Variants in SHANK2 observed in about 807,000 individuals in gnomAD.
SHANK2 encodes the protein SH3 and multiple ankyrin repeat domains 2, also known as SH3 and multiple ankyrin repeat domains protein 2.
In SHANK2, 43 loss-of-function variants were observed where a neutral mutation model predicts 133.7. The observed-to-expected ratio is 0.32, with a 90% CI of 0.25 to 0.41. The LOEUF (loss-of-function observed/expected upper bound fraction) is 0.41. Among genes scored for constraint, SHANK2 ranks in the 10% least tolerant of loss-of-function variants. The pLI is 1.00. For missense variants in SHANK2, 1,994 were observed against 2,235.8 expected (o/e 0.89, Z 2.18); for synonymous variants, 1,017 against 952.8 (o/e 1.07, Z -1.24).
chr11:70,840,026 C>T (rs782287335), intron 11 of SHANK2, among the ~76,000 whole-genome samples: 23 of 152,338 alleles, frequency 1.5e-4, no homozygotes, highest in Non-Finnish European at 1.3e-4. Context: ...GGCCGGCCAG[C>T]AGCTATGCAG....
chr11:70,527,393 G>A (rs1440686138), intron 17 of SHANK2, among the ~76,000 whole-genome samples: 4 of 152,172 alleles, frequency 2.6e-5, no homozygotes, highest in South Asian at 2.1e-4. Context: ...ATTCTAGAAC[G>A]ACCCCCATGG....
chr11:70,702,573 C>T (rs989571785), intron 14 of SHANK2, among the ~76,000 whole-genome samples: 22 of 152,218 alleles, frequency 1.4e-4, no homozygotes, highest in African/African-American at 4.6e-4. Flanking sequence ...CCACTATGAC[C>T]GCCACAATCA....
At chr11:70,598,281 A>C (rs528841998) in intron 17 of SHANK2, among the ~76,000 whole-genome samples, 2 of 151,926 alleles carry the variant, frequency 1.3e-5, no homozygotes, top group African/African-American at 4.8e-5. Flanking sequence ...GGTGGAGAAG[A>C]ATAGAGGAAG....
intron 10 of SHANK2, among the ~76,000 whole-genome samples, chr11:70,949,075 C>G (rs1364187614): frequency 6.6e-6 from 1 of 152,152 alleles, no homozygotes; most frequent in African/African-American, 2.4e-5. Flanking sequence ...AGGTACCAGC[C>G]AGTGCCCAGC....
chr11:70,479,100 C>T lies in SHANK2; in HGVS notation c.4980-5661G>A, dbSNP rs1555150845. Reference sequence around the variant, plus strand: ...CCCATTCATCCTTGCCCAACGCCCGCAAGTACCAGCCCCGATGGACGCACA... The same window carrying T: ...CCCATTCATCCTTGCCCAACGCCCGTAAGTACCAGCCCCGATGGACGCACA... On this transcript the variant is annotated intron_variant, in intron 25 of 25. Transcript: ENST00000601538. This position sits in a 1 kb window ranked among gnomAD's most constrained non-coding sequence, Gnocchi z 4.4. Among the ~76,000 whole-genome samples the T allele has an allele frequency of 6.6e-6, 1 of 152,228 alleles. No individual in the cohort carries two copies. The highest frequency in any genetic ancestry group is 2.4e-5 in the African/African-American group (1 of 41,458).
chr11:70,539,920 C>T (rs1554974868), intron 17 of SHANK2, among the ~76,000 whole-genome samples: 1 of 152,130 alleles, frequency 6.6e-6, no homozygotes. Context: ...CATTTTTGTG[C>T]CCCTGGTGGT....
chr11:70,938,716 C>G (rs1330505657), intron 10 of SHANK2, among the ~76,000 whole-genome samples: 1 of 152,010 alleles, frequency 6.6e-6, no homozygotes, highest in Non-Finnish European at 1.5e-5. Context: ...AGCCCAGGAG[C>G]TGAGGAGGAG....
At chr11:70,791,633 C>T (rs1326340606) in intron 14 of SHANK2, among the ~76,000 whole-genome samples, 2 of 152,168 alleles carry the variant, frequency 1.3e-5, no homozygotes, top group Non-Finnish European at 1.5e-5. Context: ...AGAATAGACC[C>T]GGATATGTTT....
At chr11:70,613,335 G>C (rs1554994912) in intron 17 of SHANK2, among the ~76,000 whole-genome samples, 2 of 151,702 alleles carry the variant, frequency 1.3e-5, no homozygotes, top group Non-Finnish European at 2.9e-5. Context: ...TCCCAAGTAG[G>C]TGGGACTACA....
chr11:71,251,021 G>C (rs936556587), intron 1 of SHANK2, among the ~76,000 whole-genome samples: 9 of 151,966 alleles, frequency 5.9e-5, no homozygotes, highest in African/African-American at 2.2e-4. Context: ...CTTTATTTTC[G>C]GATGGCCTCT....
intron 17 of SHANK2, among the ~76,000 whole-genome samples, chr11:70,593,048 T>C (rs2155521): frequency 0.59 from 89,121 of 152,026 alleles, 26,815 homozygotes; most frequent in African/African-American, 0.72. Context: ...ATGAAAAACT[T>C]CCCACGTCTG....
rs1951403023 is a variant in SHANK2 at position 71,086,086 on chromosome 11, ATATATTAAATTATATAATATAT to A, written c.912+6314_912+6335del. 1.9e-4 allele frequency among the ~76,000 whole-genome samples: 5 copies of A among 26,726 alleles called. No homozygotes were observed. In the East Asian group the frequency reaches 5.5e-3, roughly 30 times the overall value. 17.5% of individuals were successfully genotyped at this position (26,726 alleles called of 152,430 possible). A position where few individuals can be genotyped will look rare whatever the true frequency, so the allele number is the denominator to read the frequency against. The stretch of plus-strand genomic sequence containing the variant: ...ATTATATAATATATTATGTTATATA[ATATATTAAATTATATAATATAT>A]TATGTTATATAATATATTAAATTAT... On this transcript the variant is annotated intron_variant, in intron 8 of 25. Coordinates refer to ENST00000601538, the MANE Select transcript of SHANK2 (RefSeq NM_012309.5).
chr11:70,617,895 G>A (rs1476589940), intron 17 of SHANK2, among the ~76,000 whole-genome samples: 2 of 152,096 alleles, frequency 1.3e-5, no homozygotes, highest in Non-Finnish European at 2.9e-5. Flanking sequence ...GCTAAATGAC[G>A]AGTTAATGGG....
At chr11:71,115,865 C>T (rs1316666349) in intron 4 of SHANK2, among the ~76,000 whole-genome samples, 4 of 152,160 alleles carry the variant, frequency 2.6e-5, no homozygotes, top group African/African-American at 7.2e-5. Context: ...GTGTAAGGTC[C>T]GTGGGATCAG....
chr11:71,162,845 G>A (rs1204510103), intron 2 of SHANK2, among the ~76,000 whole-genome samples: 1 of 151,782 alleles, frequency 6.6e-6, no homozygotes, highest in Admixed American at 6.6e-5. Flanking sequence ...GGTCAAGACG[G>A]GCAGATCACG....
chr11:70,511,321 C>T (rs2059202333), intron 17 of SHANK2, among the ~76,000 whole-genome samples: 1 of 152,254 alleles, frequency 6.6e-6, no homozygotes, highest in Non-Finnish European at 1.5e-5. Context: ...TTTAGAATTT[C>T]CCAGCCTTTA....
chr11:70,896,613 A>G, intron 10 of SHANK2, 46 bp from the exon 11 acceptor site: 1 of 716,940 alleles, frequency 1.4e-6, no homozygotes, highest in Non-Finnish European at 2.6e-6. Context: ...CTGCAGAACA[A>G]TGATTTCTGC....
At chr11:71,111,872 C>A (rs1555099315) in intron 5 of SHANK2, among the ~76,000 whole-genome samples, 8 of 152,158 alleles carry the variant, frequency 5.3e-5, no homozygotes, top group Non-Finnish European at 1.0e-4. Flanking sequence ...CCAGAAGCAC[C>A]CAGATCTTGC....
rs149802833 is a variant in SHANK2, at chr11:70,569,312, G to A, written c.2062-66381C>T. Among the ~76,000 whole-genome samples, 2 of 152,334 alleles carry A rather than the reference G, an allele frequency of 1.3e-5. No homozygotes were observed. Among genetic ancestry groups the A allele is most frequent in the South Asian group, 4.1e-4 (2 of 4,828 alleles). ...GTCCTGGGGGGTCAGGCTCGGGAGC[G>A]TCTGGGGTGATCCTGCTCATGCGCC... On this transcript the variant is annotated intron_variant, in intron 17 of 25. Transcript: ENST00000601538. This position sits in a 1 kb window ranked among gnomAD's most constrained non-coding sequence, Gnocchi z 5.1.
Sources: gnomAD v4.1 joint callset for allele counts (sites outside exome capture counted in the v4.1 genomes callset) on GRCh38, gnomAD v4.1.1 for gene constraint, Gnocchi (gnomAD v3.1) non-coding constraint, MANE v1.5 for transcripts, NCBI Gene and HGNC (gene_info 2026-07-23, HGNC 2026-07-21) for gene names.